Variants in CCNL2 observed in about 807,000 individuals in gnomAD.
The protein encoded by CCNL2 is cyclin L2.
A neutral mutation model predicts 59.1 loss-of-function variants in CCNL2; 28 were observed. The ratio of observed to expected loss-of-function variants is 0.47; its 90% CI spans 0.35 to 0.65. CCNL2 has a LOEUF of 0.65. Ranked by LOEUF, CCNL2 falls within the 30% of genes least tolerant of loss-of-function variation. The pLI is 0.00. For synonymous variants in CCNL2, 342 were observed against 288.6 expected, an observed-to-expected ratio of 1.19 and a Z score of -1.88; for missense variants, 714 against 717.4, an observed-to-expected ratio of 1.00 and a Z score of 0.05.
chr1:1,394,219 A>G (rs1455148734), intron 4 of CCNL2, among the ~76,000 whole-genome samples: 1 of 151,982 alleles, frequency 6.6e-6, no homozygotes, highest in African/African-American at 2.4e-5. Context: ...GAGGAAACCC[A>G]CCAATAAAAA....
chr1:1,387,165 TCAAAGGGCAGC>T lies in CCNL2; in HGVS notation c.*55_*65del. The T allele has an allele frequency of 1.5e-5, 21 of 1,371,098 alleles. No homozygotes were observed. In the South Asian group the frequency reaches 2.6e-4, roughly 17 times the overall value. The allele number at this position is 1,371,098 out of a possible 1,614,324, so 84.9% of individuals were successfully genotyped here. ...GGGGTCAAAGGGCAGCCACCGGGGG[TCAAAGGGCAGC>T]CATCAGGTACTCCCCAGGGAAGGGC... On this transcript the variant is annotated 3_prime_UTR_variant, in exon 11 of 11. Transcript: ENST00000400809.
chr1:1,391,553 A>G (rs866039550), intron 5 of CCNL2: 2 of 1,305,296 alleles, frequency 1.5e-6, no homozygotes, highest in African/African-American at 1.5e-5. Flanking sequence ...GCCGCTGCCA[A>G]CTGTCCCATT....
rs1002225955 is a variant in CCNL2 at position 1,390,168 on chromosome 1, G to A, written c.1006+62C>T. On this transcript the variant is annotated intron_variant, in intron 8 of 10. Coordinates refer to ENST00000400809, the MANE Select transcript of CCNL2 (RefSeq NM_030937.6). ...GGAGCACATACCCCAGAATGGAGGC[G>A]GGGGAGAGTCACCAGTCTTTGCCTT... 80 of 1,481,090 alleles carry A rather than the reference G, an allele frequency of 5.4e-5. 1 individual carries two copies. In the Admixed American group the frequency reaches 8.3e-4, roughly 15 times the overall value. The allele number at this position is 1,481,090 out of a possible 1,614,324, so 91.7% of individuals were successfully genotyped here.
chr1:1,387,915 C>A, intron 9 of CCNL2, 39 bp downstream of exon 9: 1 of 1,613,524 alleles, frequency 6.2e-7, no homozygotes, highest in Non-Finnish European at 8.5e-7. Flanking sequence ...GTCCCTCCAG[C>A]CAACCCTGAC....
intron 2 of CCNL2, 100 bp downstream of exon 2, chr1:1,398,497 T>A: frequency 6.3e-7 from 1 of 1,575,352 alleles, no homozygotes; most frequent in Non-Finnish European, 8.7e-7. Context: ...GAGCTCAGAC[T>A]GGGGGGCAAG....
Position 1,387,593 on chromosome 1 carries a change from G to A in CCNL2, c.1212-11C>T. 6.8e-7 allele frequency: 1 copy of A among 1,476,182 alleles called. No homozygotes were observed. Among genetic ancestry groups the A allele is most frequent in the Non-Finnish European group, 9.0e-7 (1 of 1,110,766 alleles). The allele number at this position is 1,476,182 out of a possible 1,614,324, so 91.4% of individuals were successfully genotyped here. On this transcript the variant is annotated splice_polypyrimidine_tract_variant and intron_variant, in intron 10 of 10. Coordinates refer to ENST00000400809, the MANE Select transcript of CCNL2 (RefSeq NM_030937.6). ...CCGCTGTCACTTTTCCTGGGAGGAA[G>A]AACAGCACCACCACACGTGTGACCA...
intron 4 of CCNL2, 59 bp from the exon 5 acceptor site, chr1:1,393,519 C>T (rs932809544): frequency 2.9e-5 from 42 of 1,441,184 alleles, no homozygotes; most frequent in Non-Finnish European, 3.8e-5. Flanking sequence ...GAATTCAGAT[C>T]TTGTGGGTGT....
At chr1:1,393,886 G>C (rs954305391) in intron 4 of CCNL2, among the ~76,000 whole-genome samples, 4 of 152,198 alleles carry the variant, frequency 2.6e-5, no homozygotes, top group Non-Finnish European at 4.4e-5. Flanking sequence ...CAGCACTTTG[G>C]GAGGCTGAGG....
chr1:1,391,508 C>T (rs547078147), intron 5 of CCNL2: 1 of 1,300,742 alleles, frequency 7.7e-7, no homozygotes, highest in South Asian at 1.2e-5. Context: ...GGAGACTCCG[C>T]ACCCAAGGGC....
rs535986901 is a variant in CCNL2, at chr1:1,391,092, A to G, written c.660-227T>C. 3.1e-3 allele frequency: 1,911 copies of G among 611,746 alleles called. 10 individuals are homozygous for G. Among genetic ancestry groups the G allele is most frequent in the Non-Finnish European group, 3.2e-3 (1,469 of 459,218 alleles). The allele number at this position is 611,746 out of a possible 1,614,324, so 37.9% of individuals were successfully genotyped here. A position where few individuals can be genotyped will look rare whatever the true frequency, so the allele number is the denominator to read the frequency against. On this transcript the variant is annotated intron_variant, in intron 5 of 10. Coordinates refer to ENST00000400809, the MANE Select transcript of CCNL2 (RefSeq NM_030937.6). Reference sequence around the variant, plus strand: ...GACAGAAAGGCACAGAAATTATTAGAAAAAAAAAAAGCTGGCTGAATGTCA... The same window carrying G: ...GACAGAAAGGCACAGAAATTATTAGGAAAAAAAAAAGCTGGCTGAATGTCA...
intron 1 of CCNL2, 131 bp downstream of exon 1, chr1:1,398,888 C>CGAGGCTGGGGTCGGGGCA (rs1557740068): frequency 1.4e-6 from 2 of 1,400,336 alleles, no homozygotes; most frequent in Non-Finnish European, 1.9e-6. Context: ...GGAATGGCGC[C>CGAGGCTGGGGTCGGGGCA]GAGGCTGGGG....
At chr1:1,393,925 G>A (rs1158623375) in intron 4 of CCNL2, among the ~76,000 whole-genome samples, 1 of 152,158 alleles carries the variant, frequency 6.6e-6, no homozygotes, top group Admixed American at 6.5e-5. Flanking sequence ...TCAGGAGTTC[G>A]AGAACAGCCT....
In CCNL2 at chr1:1,395,470, TTTAAA is replaced by T; in HGVS notation, c.513_517del (p.Asn171LysfsTer26). 6.2e-7 allele frequency: 1 copy of T among 1,614,162 alleles called. No homozygotes were observed. Among genetic ancestry groups the T allele is most frequent in the Non-Finnish European group, 8.5e-7 (1 of 1,180,022 alleles). On this transcript the variant is annotated frameshift_variant, in exon 4 of 11. Transcript: ENST00000400809. LOFTEE classifies it high-confidence loss of function. Reference sequence around the variant, plus strand: ...TCTTTCCGCCTTTATAATTTGGTTCTTTAAATTAACATAATCTTGATCCAGTAGTA... The same window carrying T: ...TCTTTCCGCCTTTATAATTTGGTTCTTTAACATAATCTTGATCCAGTAGTA...
chr1:1,390,296 C>T lies in CCNL2; in HGVS notation c.940G>A (p.Gly314Ser). 1.2e-6 allele frequency: 2 copies of T among 1,613,954 alleles called. No homozygotes were observed. The highest frequency in any genetic ancestry group is 1.7e-5 in the Admixed American group (1 of 60,014). ...ACCTGTGTGCCCCCAGGCAACAGGC[C>T]CCGGGCTTGGGCCTTTGCCTCTTCG... ...AIEEAKAQARGLLPGGTQVLD... is the reference protein window; with the variant it reads ...AIEEAKAQARSLLPGGTQVLD... The change falls in exon 8 of 11, where the codon GGC (glycine) becomes AGC (serine). Residue 314 changes from glycine to serine, a missense_variant. Transcript: ENST00000400809.
chr1:1,387,159 C>CAAAGGGCAGCCACT lies in CCNL2; in HGVS notation c.*71_*72insAGTGGCTGCCCTTT. On this transcript the variant is annotated 3_prime_UTR_variant, in exon 11 of 11. Coordinates refer to ENST00000400809, the MANE Select transcript of CCNL2 (RefSeq NM_030937.6). ...CACCCGGGGGTCAAAGGGCAGCCAC[C>CAAAGGGCAGCCACT]GGGGGTCAAAGGGCAGCCATCAGGT... 3 of 1,300,340 alleles carry CAAAGGGCAGCCACT rather than the reference C, an allele frequency of 2.3e-6. No individual in the cohort carries two copies. The highest frequency in any genetic ancestry group is 3.2e-6 in the Non-Finnish European group (3 of 932,866). The allele number at this position is 1,300,340 out of a possible 1,614,324, so 80.6% of individuals were successfully genotyped here.
At chr1:1,395,167 T>TAATACCATTTCCAAAACACTTAAAA in intron 4 of CCNL2, 1 of 472,140 alleles carries the variant, frequency 2.1e-6, no homozygotes, top group Non-Finnish European at 3.7e-6. Flanking sequence ...CAAACTTAAA[T>TAATACCATTTCCAAAACACTTAAAA]AATACCATTT....
At chr1:1,398,418 G>A (rs752819002) in intron 2 of CCNL2, 76 bp from the exon 3 acceptor site, 2 of 1,603,806 alleles carry the variant, frequency 1.2e-6, no homozygotes, top group African/African-American at 1.3e-5. Context: ...AGGCTTGAGG[G>A]CTATTCAGAC....
rs778448412 is a variant in CCNL2, at chr1:1,398,248, T to C, written c.458A>G (p.Gln153Arg). 11 of 1,614,212 alleles carry C rather than the reference T, an allele frequency of 6.8e-6. No individual in the cohort carries two copies. The highest frequency in any genetic ancestry group is 8.5e-6 in the Non-Finnish European group (10 of 1,180,030). Residue 153 changes from glutamine (Q) to arginine (R), a missense_variant, in exon 3 of 11, where the codon CAG becomes CGG. This residue lies in a region of CCNL2 where 270 missense variants were observed against 254.9 expected (regional missense o/e 1.06). Coordinates refer to ENST00000400809, the MANE Select transcript of CCNL2 (RefSeq NM_030937.6). ...ACTGACTCACTTTTTGTCTCTCAGC[T>C]GTCGAAGGCGGTGAAACACATTGAT... The part of the protein sequence containing the change: ...DVINVFHRLR[Q>R]LRDKKKPVPL...
intron 8 of CCNL2, chr1:1,389,045 A>C (rs1453963400): frequency 5.7e-6 from 1 of 176,350 alleles, no homozygotes; most frequent in African/African-American, 2.4e-5. Flanking sequence ...ATTGCACTCC[A>C]GCCTGGGTAA....
Sources: allele counts gnomAD v4.1 joint callset (sites outside exome capture counted in the v4.1 genomes callset), GRCh38; gene constraint gnomAD v4.1.1; regional missense constraint gnomAD v4.1.1; transcripts MANE v1.5; gene names NCBI Gene and HGNC (gene_info 2026-07-23, HGNC 2026-07-21).